Variants in NAV2 observed in about 807,000 individuals in gnomAD.
NAV2 encodes the protein neuron navigator 2.
NAV2 carries 54 observed loss-of-function variants against 223.2 expected under a neutral mutation model. The observed-to-expected ratio is 0.24, with a 90% CI of 0.19 to 0.30. NAV2 has a LOEUF of 0.30. Among genes scored for constraint, NAV2 ranks in the 10% least tolerant of loss-of-function variants. The pLI is 1.00. For synonymous variants in NAV2, 1,279 were observed against 1,239.3 expected (o/e 1.03, Z -0.67); for missense variants, 2,806 against 3,147.5 (o/e 0.89, Z 2.60).
chr11:19,643,160 C>G (rs1367099373), intron 1 of NAV2, among the ~76,000 whole-genome samples: 2 of 152,026 alleles, frequency 1.3e-5, no homozygotes, highest in Non-Finnish European at 2.9e-5. Flanking sequence ...ATTTGCTCTT[C>G]TTTTTTAAAA....
At chr11:19,851,715 C>T (rs1204043083) in intron 3 of NAV2, among the ~76,000 whole-genome samples, 1 of 152,208 alleles carries the variant, frequency 6.6e-6, no homozygotes, top group Non-Finnish European at 1.5e-5. Flanking sequence ...AAAGTACGCC[C>T]TCAGTGGGGT....
At chr11:19,670,184 C>T (rs1480176166) in intron 1 of NAV2, among the ~76,000 whole-genome samples, 1 of 152,178 alleles carries the variant, frequency 6.6e-6, no homozygotes, top group African/African-American at 2.4e-5. Flanking sequence ...CTGCATACTC[C>T]TTGCCACTCA....
At position 20,083,072 on chromosome 11, in the gene NAV2, A is replaced by G; in HGVS notation, c.5391A>G (p.Ser1797=). Residue 1797 remains serine (S), a synonymous_variant, in exon 26 of 38, where the codon TCA becomes TCG. Coordinates refer to ENST00000349880, the MANE Select transcript of NAV2 (RefSeq NM_145117.5). ...CCCCAAAATCTGCGTCCTCTCATTC[A>G]GATATTGAGGAGATGACGGATTCTT... is the stretch of plus-strand genomic sequence containing the variant. The part of the protein sequence containing the change: ...KKSPKSASSH[S]DIEEMTDSSL... 1 of 1,614,160 alleles carries G rather than the reference A, an allele frequency of 6.2e-7. No homozygotes were observed. The highest frequency in any genetic ancestry group is 8.5e-7 in the Non-Finnish European group (1 of 1,179,998).
At chr11:19,463,161 A>G (rs1295364501) in intron 1 of NAV2, among the ~76,000 whole-genome samples, 1 of 152,238 alleles carries the variant, frequency 6.6e-6, no homozygotes, top group East Asian at 1.9e-4. Flanking sequence ...TCATAGAAAT[A>G]TTTTGAGGAT....
chr11:20,046,255 G>C (rs1422561483), intron 14 of NAV2, among the ~76,000 whole-genome samples: 2 of 151,202 alleles, frequency 1.3e-5, no homozygotes, highest in Non-Finnish European at 1.5e-5. Context: ...AGAATCACTT[G>C]AACCCAGGAG....
At chr11:19,354,914 C>T (rs1853528573) in intron 1 of NAV2, among the ~76,000 whole-genome samples, 1 of 152,170 alleles carries the variant, frequency 6.6e-6, no homozygotes, top group African/African-American at 2.4e-5. Flanking sequence ...CCTCCCTATT[C>T]CTTTGAAGAC....
At chr11:19,364,656 A>G (rs934617278) in intron 1 of NAV2, among the ~76,000 whole-genome samples, 5 of 152,206 alleles carry the variant, frequency 3.3e-5, no homozygotes, top group Non-Finnish European at 5.9e-5. Flanking sequence ...GGTCATCACT[A>G]TTGGAGCACA....
intron 1 of NAV2, among the ~76,000 whole-genome samples, chr11:19,526,110 G>A (rs774792529): frequency 6.6e-5 from 10 of 152,104 alleles, no homozygotes; most frequent in Non-Finnish European, 1.3e-4. Flanking sequence ...ACAGTGTCAC[G>A]AAGGCAGACC....
intron 1 of NAV2, among the ~76,000 whole-genome samples, chr11:19,455,684 G>A (rs1453643626): frequency 1.3e-5 from 2 of 152,176 alleles, no homozygotes; most frequent in Non-Finnish European, 2.9e-5. Flanking sequence ...GGATCCCAGA[G>A]CTAGGAAGTG....
intron 1 of NAV2, among the ~76,000 whole-genome samples, chr11:19,445,821 T>C (rs1481168391): frequency 6.6e-6 from 1 of 151,232 alleles, no homozygotes; most frequent in Non-Finnish European, 1.5e-5. Context: ...CCAGGTACCA[T>C]ATTAGGCTCT....
intron 4 of NAV2, 130 bp from the exon 5 acceptor site, chr11:19,879,739 G>C: frequency 9.5e-7 from 1 of 1,052,310 alleles, no homozygotes; most frequent in Non-Finnish European, 1.4e-6. Flanking sequence ...TTAATTGCCT[G>C]TGATACCAAT....
chr11:19,762,236 C>T (rs2054814059), intron 1 of NAV2, among the ~76,000 whole-genome samples: 1 of 152,110 alleles, frequency 6.6e-6, no homozygotes, highest in Non-Finnish European at 1.5e-5. Flanking sequence ...GAGTGAGATT[C>T]CATCTCAAAA....
At position 19,884,967 on chromosome 11, in the gene NAV2, A is replaced by C. The variant is rs1339811540; in HGVS notation, c.770+4840A>C. On this transcript the variant is annotated intron_variant, in intron 5 of 37. Transcript: ENST00000349880. ...CCGCCTCAGTTCCCTGAAAATAAAA[A>C]ACAGGCTTGCTCACAAGCTAGTTCT... Among the ~76,000 whole-genome samples, 3 of 152,184 alleles carry C rather than the reference A, an allele frequency of 2.0e-5. No homozygotes were observed. In the East Asian group the frequency reaches 5.8e-4, roughly 29 times the overall value.
At chr11:20,108,981 G>A (rs1215023166) in intron 36 of NAV2, among the ~76,000 whole-genome samples, 1 of 152,206 alleles carries the variant, frequency 6.6e-6, no homozygotes, top group Non-Finnish European at 1.5e-5. Flanking sequence ...CTTGGTACTG[G>A]ACAGTGGGAG....
At chr11:19,827,309 G>C (rs1054117188) in intron 1 of NAV2, among the ~76,000 whole-genome samples, 1 of 152,086 alleles carries the variant, frequency 6.6e-6, no homozygotes, top group African/African-American at 2.4e-5. Flanking sequence ...CAGGTCACTC[G>C]GTCACAACTG....
chr11:20,111,140 TGA>T (rs912723892), intron 36 of NAV2, among the ~76,000 whole-genome samples: 14 of 152,336 alleles, frequency 9.2e-5, no homozygotes, highest in Admixed American at 6.5e-4. Context: ...AGGACCTTCC[TGA>T]ATGTGCAGCC....
Position 19,430,933 on chromosome 11 carries a change from A to G in NAV2, c.75+79906A>G, listed in dbSNP as rs890625261. Reference sequence around the variant, plus strand: ...CTGCAAGTGTGTCAAGCAGCCCTCTAGAACATGGGCTACTTGCCACCAATT... The same window carrying G: ...CTGCAAGTGTGTCAAGCAGCCCTCTGGAACATGGGCTACTTGCCACCAATT... On this transcript the variant is annotated intron_variant, in intron 1 of 37. Transcript: ENST00000360655. 3.3e-5 allele frequency among the ~76,000 whole-genome samples: 5 copies of G among 152,232 alleles called. No individual in the cohort carries two copies. The South Asian group carries it at 1.0e-3, about 32-fold the overall frequency.
chr11:19,929,435 G>A (rs1290692571), intron 6 of NAV2, among the ~76,000 whole-genome samples: 1 of 152,136 alleles, frequency 6.6e-6, no homozygotes, highest in Non-Finnish European at 1.5e-5. Flanking sequence ...TGTGACATGA[G>A]TGTAGAATGT....
At chr11:19,678,147 A>G (rs1231690588) in intron 1 of NAV2, among the ~76,000 whole-genome samples, 2 of 152,198 alleles carry the variant, frequency 1.3e-5, no homozygotes, top group Admixed American at 1.3e-4. Flanking sequence ...CCCAACTTGC[A>G]CTTGGAGAGC....
Sources: gnomAD v4.1 joint callset for allele counts (sites outside exome capture counted in the v4.1 genomes callset) on GRCh38, gnomAD v4.1.1 for gene constraint, MANE v1.5 for transcripts, NCBI Gene and HGNC (gene_info 2026-07-23, HGNC 2026-07-21) for gene names.